The following USP40 variants were observed in gnomAD, a reference collection of about 807,000 sequenced individuals.
USP40 encodes the protein ubiquitin carboxyl-terminal hydrolase 40.
Under a neutral mutation model 166.2 loss-of-function variants are expected in USP40, and 143 were observed. The ratio of observed to expected loss-of-function variants is 0.86; its 90% CI spans 0.75 to 0.99. The LOEUF (loss-of-function observed/expected upper bound fraction) is 0.99, where lower values mean the gene tolerates loss of function less well. Ranked by LOEUF, USP40 falls within the 50% of genes least tolerant of loss-of-function variation. USP40 has a pLI of 0.00. For missense variants in USP40, 1,444 were observed against 1,479.7 expected, an observed-to-expected ratio of 0.98 and a Z score of 0.40; for synonymous variants, 498 against 524.0, an observed-to-expected ratio of 0.95 and a Z score of 0.68.
intron 1 of USP40, 69 bp downstream of exon 1, chr2:233,566,615 T>C (rs2072185119): frequency 1.1e-6 from 1 of 897,078 alleles, no homozygotes; most frequent in Non-Finnish European, 1.3e-6. Context: ...CTCCTCAGAC[T>C]GGGCCACCAA....
chr2:233,491,706 T>C (rs1239247197), intron 25 of USP40, among the ~76,000 whole-genome samples: 1 of 152,176 alleles, frequency 6.6e-6, no homozygotes, highest in Admixed American at 6.5e-5. Context: ...AGGCAGGCCA[T>C]CTATCTTGTC....
In USP40 at chr2:233,517,379, G is replaced by GTTTTTTTT. The variant is rs202226925; in HGVS notation, c.2383+2234_2383+2235insAAAAAAAA. Among the ~76,000 whole-genome samples the GTTTTTTTT allele has an allele frequency of 2.8e-3, 387 of 137,104 alleles. 20 individuals are homozygous for GTTTTTTTT. Among genetic ancestry groups the GTTTTTTTT allele is most frequent in the African/African-American group, 3.4e-3 (120 of 35,678 alleles). The allele number at this position is 137,104 out of a possible 152,430, so 89.9% of individuals were successfully genotyped here. A position where few individuals can be genotyped will look rare whatever the true frequency, so the allele number is the denominator to read the frequency against. ...CAAAAAAGATACTTGCACATGCATG[G>GTTTTTTTT]TTTTTTGTTTTTTTTTTTTTTTTGA... On this transcript the variant is annotated intron_variant, in intron 18 of 31. Transcript: ENST00000678225.
intron 27 of USP40, 123 bp downstream of exon 27, chr2:233,489,242 G>A (rs1252925797): frequency 2.2e-6 from 2 of 894,658 alleles, no homozygotes; most frequent in Admixed American, 4.1e-5. Context: ...TCACAAGCGT[G>A]GCATGACCAG....
At chr2:233,538,068 T>C (rs2069066651) in intron 10 of USP40, among the ~76,000 whole-genome samples, 2 of 152,140 alleles carry the variant, frequency 1.3e-5, no homozygotes, top group African/African-American at 2.4e-5. Flanking sequence ...ACAGTATACA[T>C]AAAGTGGTAT....
chr2:233,491,039 C>G, intron 26 of USP40, 128 bp downstream of exon 26: 1 of 813,088 alleles, frequency 1.2e-6, no homozygotes, highest in Non-Finnish European at 2.1e-6. Context: ...TACCACTGAA[C>G]ATGGCATATG....
chr2:233,484,702 C>T (rs568429210), intron 30 of USP40, among the ~76,000 whole-genome samples: 16 of 152,186 alleles, frequency 1.1e-4, no homozygotes, highest in East Asian at 3.9e-4. Context: ...AGGCTGGTCT[C>T]GAACTCCTGG....
At chr2:233,555,172 A>G (rs1180964895) in intron 5 of USP40, among the ~76,000 whole-genome samples, 1 of 152,130 alleles carries the variant, frequency 6.6e-6, no homozygotes, top group African/African-American at 2.4e-5. Flanking sequence ...CAGCCTGGGC[A>G]ACAGAGTGAG....
chr2:233,553,730 T>C (rs1225304139), intron 6 of USP40, among the ~76,000 whole-genome samples: 1 of 152,266 alleles, frequency 6.6e-6, no homozygotes, highest in African/African-American at 2.4e-5. Context: ...GCTACTGATA[T>C]ATGAATGTGA....
intron 11 of USP40, among the ~76,000 whole-genome samples, chr2:233,532,763 G>A (rs938800237): frequency 6.6e-6 from 1 of 152,016 alleles, no homozygotes; most frequent in African/African-American, 2.4e-5. Flanking sequence ...GCAATACAGC[G>A]AGACCCTGTC....
intron 5 of USP40, among the ~76,000 whole-genome samples, chr2:233,555,857 G>A (rs2071031668): frequency 6.6e-6 from 1 of 151,996 alleles, no homozygotes; most frequent in South Asian, 2.1e-4. Flanking sequence ...GCTCATGCCT[G>A]TAATCCCAGC....
At position 233,557,031 on chromosome 2, in the gene USP40, G is replaced by T; in HGVS notation, c.382-12C>A. Reference sequence around the variant, plus strand: ...TGTTGCCTCATTTCCTACAAAACAGGTAACTTTTAGATGTAATTCCGGGCT... The same window carrying T: ...TGTTGCCTCATTTCCTACAAAACAGTTAACTTTTAGATGTAATTCCGGGCT... On this transcript the variant is annotated splice_polypyrimidine_tract_variant and intron_variant, in intron 4 of 31. Coordinates refer to ENST00000678225, the MANE Select transcript of USP40 (RefSeq NM_001365479.2). 1 of 1,602,468 alleles carries T rather than the reference G, an allele frequency of 6.2e-7. No individual in the cohort carries two copies. The highest frequency in any genetic ancestry group is 8.5e-7 in the Non-Finnish European group (1 of 1,175,630).
At position 233,566,759 on chromosome 2, in the gene USP40, G is replaced by C; in HGVS notation, c.-95C>G. ...CGCCCCAACTGGGCGCCGCCATGTT[G>C]GCGAGGGCGGGTCTCCAGAAAGTGA... On this transcript the variant is annotated 5_prime_UTR_variant, in exon 1 of 32. Coordinates refer to ENST00000678225, the MANE Select transcript of USP40 (RefSeq NM_001365479.2). The C allele has an allele frequency of 1.0e-6, 1 of 985,950 alleles. No individual in the cohort carries two copies. The highest frequency in any genetic ancestry group is 1.2e-6 in the Non-Finnish European group (1 of 829,968). The allele number at this position is 985,950 out of a possible 1,614,324, so 61.1% of individuals were successfully genotyped here.
chr2:233,519,675 A>C lies in USP40; in HGVS notation c.2326-4T>G. The C allele has an allele frequency of 7.2e-7, 1 of 1,388,958 alleles. No individual in the cohort carries two copies. The highest frequency in any genetic ancestry group is 9.9e-7 in the Non-Finnish European group (1 of 1,014,500). 86.0% of individuals were successfully genotyped at this position (1,388,958 alleles called of 1,614,324 possible). A position where few individuals can be genotyped will look rare whatever the true frequency, so the allele number is the denominator to read the frequency against. ...TAATTCGAATATCAAACACCATCTA[A>C]AACAGAGAAATAAAATAATGACTAA... On this transcript the variant is annotated splice_polypyrimidine_tract_variant and splice_region_variant and intron_variant, in intron 17 of 31. Transcript: ENST00000678225.
At chr2:233,516,377 A>T (rs2602387) in intron 18 of USP40, among the ~76,000 whole-genome samples, 31,682 of 152,092 alleles carry the variant, frequency 0.21, 3,386 homozygotes, top group African/African-American at 0.22. Flanking sequence ...TACACATCAA[A>T]TGGGGAAGAA....
chr2:233,550,474 C>A (rs1001491036), intron 7 of USP40, among the ~76,000 whole-genome samples: 3 of 151,386 alleles, frequency 2.0e-5, no homozygotes, highest in Non-Finnish European at 4.4e-5. Context: ...AATATTAGAA[C>A]CTTTGAGTGG....
intron 6 of USP40, among the ~76,000 whole-genome samples, chr2:233,553,126 T>C (rs1001226815): frequency 6.6e-6 from 1 of 152,170 alleles, no homozygotes; most frequent in Non-Finnish European, 1.5e-5. Context: ...GGAAATGGTA[T>C]TAATATACAT....
At position 233,489,500 on chromosome 2, in the gene USP40, A is replaced by C; in HGVS notation, c.3013-17T>G. 6.4e-7 allele frequency: 1 copy of C among 1,564,642 alleles called. No individual in the cohort carries two copies. The highest frequency in any genetic ancestry group is 8.7e-7 in the Non-Finnish European group (1 of 1,152,978). On this transcript the variant is annotated splice_polypyrimidine_tract_variant and intron_variant, in intron 26 of 31. Coordinates refer to ENST00000678225, the MANE Select transcript of USP40 (RefSeq NM_001365479.2). ...GGTCATGGCCTAGAAAAAGAAACAG[A>C]CATTTCTCCAACGGTTTTAAAAAGC...
intron 24 of USP40, among the ~76,000 whole-genome samples, chr2:233,494,960 A>ATATATATATATATATATT (rs2065638224): frequency 6.5e-5 from 4 of 61,788 alleles, no homozygotes; most frequent in African/African-American, 3.5e-4. Flanking sequence ...ATATATTTAT[A>ATATATATATATATATATT]TATATATATA....
chr2:233,488,913 AAAG>A (rs2065127392), intron 27 of USP40, among the ~76,000 whole-genome samples: 5 of 152,196 alleles, frequency 3.3e-5, no homozygotes, highest in African/African-American at 1.2e-4. Context: ...TCTATTAAGA[AAAG>A]AAAGAAAAGG....
Sources: gnomAD v4.1 joint callset for allele counts (sites outside exome capture counted in the v4.1 genomes callset) on GRCh38, gnomAD v4.1.1 for gene constraint, MANE v1.5 for transcripts, NCBI Gene and HGNC (gene_info 2026-07-23, HGNC 2026-07-21) for gene names.